Variants in TMEM178B observed in about 807,000 individuals in gnomAD.
TMEM178B encodes the protein transmembrane protein 178B.
In TMEM178B, 5 loss-of-function variants were observed where a neutral mutation model predicts 31.0. The observed-to-expected ratio is 0.16, with a 90% CI of 0.08 to 0.34. The LOEUF (loss-of-function observed/expected upper bound fraction) is 0.34, where lower values mean the gene tolerates loss of function less well. TMEM178B is among the 10% of genes least tolerant of loss of function. TMEM178B has a pLI of 1.00. For missense variants in TMEM178B, 275 were observed against 400.3 expected (o/e 0.69, Z 2.67); for synonymous variants, 164 against 164.0 (o/e 1.00, Z 0.00).
At chr7:141,324,538 T>C (rs2116479765) in intron 2 of TMEM178B, among the ~76,000 whole-genome samples, 1 of 148,314 alleles carries the variant, frequency 6.7e-6, no homozygotes, top group African/African-American at 2.5e-5. Context: ...GGGAGGGGCT[T>C]CAGGAGCTGA....
At chr7:141,232,863 C>G (rs1797469487) in intron 2 of TMEM178B, among the ~76,000 whole-genome samples, 1 of 152,034 alleles carries the variant, frequency 6.6e-6, no homozygotes, top group African/African-American at 2.4e-5. Flanking sequence ...CAGTCATGCC[C>G]CAAACTCAGG....
At chr7:141,215,777 CCTTTCTTT>C (rs529722580) in intron 2 of TMEM178B, among the ~76,000 whole-genome samples, 8,375 of 111,770 alleles carry the variant, frequency 0.075, 490 homozygotes, top group African/African-American at 0.11. Flanking sequence ...TATATACTTT[CCTTTCTTT>C]CTTTCTTTCT....
rs1272007575 is a variant in TMEM178B at position 141,344,901 on chromosome 7, T to C, written c.497-92707T>C. Reference sequence around the variant, plus strand: ...GGACTTGGTGGTCTTGGTTGTAAAGTGACAGAAATGAACAGGACCACATCT... The same window carrying C: ...GGACTTGGTGGTCTTGGTTGTAAAGCGACAGAAATGAACAGGACCACATCT... On this transcript the variant is annotated intron_variant, in intron 2 of 3. Transcript: ENST00000565468. This position sits in a 1 kb window ranked among gnomAD's most constrained non-coding sequence, Gnocchi z 4.1. Among the ~76,000 whole-genome samples the C allele has an allele frequency of 6.6e-6, 1 of 152,126 alleles. No homozygotes were observed. Among genetic ancestry groups the C allele is most frequent in the African/African-American group, 2.4e-5 (1 of 41,398 alleles).
At chr7:141,375,022 T>C (rs1489650384) in intron 2 of TMEM178B, among the ~76,000 whole-genome samples, 1 of 152,250 alleles carries the variant, frequency 6.6e-6, no homozygotes, top group Non-Finnish European at 1.5e-5. Flanking sequence ...GTTTCTATGC[T>C]GTTTCTTGTT....
chr7:141,396,529 C>T (rs1377497421), intron 2 of TMEM178B, among the ~76,000 whole-genome samples: 12 of 151,906 alleles, frequency 7.9e-5, no homozygotes, highest in Admixed American at 7.9e-4. Context: ...GAGTGGAAAA[C>T]AGAGCCTCAG....
At chr7:141,143,201 C>T (rs1400999127) in intron 1 of TMEM178B, among the ~76,000 whole-genome samples, 2 of 152,106 alleles carry the variant, frequency 1.3e-5, no homozygotes, top group Non-Finnish European at 2.9e-5. Context: ...TTTTGCTGTG[C>T]AGAAGCTTTT....
At chr7:141,449,145 T>C (rs1801816075) in intron 3 of TMEM178B, among the ~76,000 whole-genome samples, 1 of 152,200 alleles carries the variant, frequency 6.6e-6, no homozygotes, top group Non-Finnish European at 1.5e-5. Flanking sequence ...TGGGATGCTC[T>C]TACAGAGGTT....
At chr7:141,393,051 C>T (rs1800574711) in intron 2 of TMEM178B, among the ~76,000 whole-genome samples, 1 of 152,160 alleles carries the variant, frequency 6.6e-6, no homozygotes, top group African/African-American at 2.4e-5. Context: ...TTAGCCTGTG[C>T]TTTTGTGGCA....
At chr7:141,397,254 T>C (rs879525429) in intron 2 of TMEM178B, among the ~76,000 whole-genome samples, 1 of 152,164 alleles carries the variant, frequency 6.6e-6, no homozygotes, top group Admixed American at 6.6e-5. Context: ...TAAAAACCAA[T>C]TTAAGTAAGC....
intron 1 of TMEM178B, among the ~76,000 whole-genome samples, chr7:141,113,564 C>T (rs1183336973): frequency 1.3e-5 from 2 of 152,196 alleles, no homozygotes; most frequent in Non-Finnish European, 2.9e-5. Context: ...CCCACCTCAA[C>T]ACCCCATCCT....
chr7:141,506,384 A>C, the TMEM178B span, among the ~76,000 whole-genome samples: 1 of 152,226 alleles, frequency 6.6e-6, no homozygotes, highest in Non-Finnish European at 1.5e-5. Flanking sequence ...ACAGTTCCAC[A>C]TGGCTGGGAG....
At chr7:141,244,340 A>G (rs1257034343) in intron 2 of TMEM178B, among the ~76,000 whole-genome samples, 1 of 152,238 alleles carries the variant, frequency 6.6e-6, no homozygotes, top group East Asian at 1.9e-4. Flanking sequence ...TGCATCAGAC[A>G]TTCAGAGAAG....
At chr7:141,369,961 G>A (rs1208516818) in intron 2 of TMEM178B, among the ~76,000 whole-genome samples, 2 of 152,158 alleles carry the variant, frequency 1.3e-5, no homozygotes, top group African/African-American at 2.4e-5. Context: ...TGCTTATTTT[G>A]TTTCTCTTTT....
At chr7:141,435,871 G>A (rs559356499) in intron 2 of TMEM178B, among the ~76,000 whole-genome samples, 6 of 152,328 alleles carry the variant, frequency 3.9e-5, no homozygotes, top group African/African-American at 1.4e-4. Context: ...GGCGGCCCTA[G>A]TAGAGCAGGA....
chr7:141,160,659 A>T (rs1230085854), intron 1 of TMEM178B, among the ~76,000 whole-genome samples: 1 of 152,084 alleles, frequency 6.6e-6, no homozygotes, highest in Admixed American at 6.6e-5. Flanking sequence ...GTGACTATTG[A>T]GAGCGGGCAC....
intron 2 of TMEM178B, among the ~76,000 whole-genome samples, chr7:141,424,677 C>T (rs1471074184): frequency 6.6e-6 from 1 of 152,128 alleles, no homozygotes; most frequent in African/African-American, 2.4e-5. Flanking sequence ...CCCAAAAAAG[C>T]CTCCCTGTTA....
At chr7:141,116,329 G>T (rs1268414649) in intron 1 of TMEM178B, among the ~76,000 whole-genome samples, 1 of 152,150 alleles carries the variant, frequency 6.6e-6, no homozygotes, top group Non-Finnish European at 1.5e-5. Flanking sequence ...GGAGGTGCTG[G>T]AAGGAAGCTC....
At position 141,074,430 on chromosome 7, in the gene TMEM178B, G is replaced by A; in HGVS notation, c.120G>A (p.Arg40=). The A allele has an allele frequency of 7.8e-6, 12 of 1,536,116 alleles. No homozygotes were observed. The highest frequency in any genetic ancestry group is 1.0e-5 in the Non-Finnish European group (12 of 1,146,874). Reference sequence around the variant, plus strand: ...ACGAGACGGACGCCAGGAAGCACAGGGACAGGTGCAAGGCCTTCAACACCC... The same window carrying A: ...ACGAGACGGACGCCAGGAAGCACAGAGACAGGTGCAAGGCCTTCAACACCC... ...HWYETDARKH[R]DRCKAFNTRR... Residue 40 remains arginine, a synonymous_variant, in exon 1 of 4, where the codon AGG becomes AGA. Coordinates refer to ENST00000565468, the MANE Select transcript of TMEM178B (RefSeq NM_001195278.2). This position sits in a 1 kb window ranked among gnomAD's most constrained non-coding sequence, Gnocchi z 5.1.
At chr7:141,145,142 T>G (rs901805616) in intron 1 of TMEM178B, among the ~76,000 whole-genome samples, 1 of 152,198 alleles carries the variant, frequency 6.6e-6, no homozygotes, top group Non-Finnish European at 1.5e-5. Flanking sequence ...CATAAATACC[T>G]ACATCCTACC....
Sources: allele counts gnomAD v4.1 joint callset (sites outside exome capture counted in the v4.1 genomes callset), GRCh38; gene constraint gnomAD v4.1.1; non-coding constraint Gnocchi (gnomAD v3.1); transcripts MANE v1.5; gene names NCBI Gene and HGNC (gene_info 2026-07-23, HGNC 2026-07-21).